The following COL6A2 variants were observed in gnomAD, a reference collection of about 807,000 sequenced individuals.
The protein encoded by COL6A2 is collagen alpha-2(VI) chain.
Under a neutral mutation model 124.9 loss-of-function variants are expected in COL6A2, and 90 were observed. The observed-to-expected ratio is 0.72, with a 90% CI of 0.61 to 0.86. COL6A2 has a LOEUF of 0.86. Ranked by LOEUF, COL6A2 falls within the 40% of genes least tolerant of loss-of-function variation. COL6A2 has a pLI of 0.00. For synonymous variants in COL6A2, 793 were observed against 618.2 expected, an observed-to-expected ratio of 1.28 and a Z score of -4.19; for missense variants, 1,607 against 1,502.5, an observed-to-expected ratio of 1.07 and a Z score of -1.15.
Position 46,111,893 on chromosome 21 carries a change from C to T in COL6A2, c.116-86C>T, listed in dbSNP as rs1263386981. The T allele has an allele frequency of 4.2e-6, 6 of 1,432,352 alleles. No individual in the cohort carries two copies. The African/African-American group carries it at 7.0e-5, about 17-fold the overall frequency. The allele number at this position is 1,432,352 out of a possible 1,614,324, so 88.7% of individuals were successfully genotyped here. Reference sequence around the variant, plus strand: ...GGCATTCGGGGGCAGTGAGGTCAAACCCACAAACAGGCACGGGGCCAGGAA... The same window carrying T: ...GGCATTCGGGGGCAGTGAGGTCAAATCCACAAACAGGCACGGGGCCAGGAA... On this transcript the variant is annotated intron_variant, in intron 2 of 27. Transcript: ENST00000300527.
intron 1 of COL6A2, chr21:46,098,744 C>G (rs1205019694): frequency 6.6e-6 from 1 of 151,816 alleles, no homozygotes; most frequent in Non-Finnish European, 1.5e-5. Context: ...TGCGCCCCTC[C>G]CGGCCTGGAG....
At chr21:46,115,387 GAATTTATTTAATA>G (rs1374848799) in intron 5 of COL6A2, among the ~76,000 whole-genome samples, 1 of 152,166 alleles carries the variant, frequency 6.6e-6, no homozygotes, top group African/African-American at 2.4e-5. Context: ...ATAAATAGAT[GAATTTATTTAATA>G]AAGTTCTGTA....
intron 1 of COL6A2, among the ~76,000 whole-genome samples, chr21:46,110,176 C>T (rs796449770): frequency 2.0e-5 from 3 of 152,268 alleles, no homozygotes; most frequent in African/African-American, 7.2e-5. Context: ...GGCCCCATGG[C>T]AGCGGCCCCC....
In COL6A2 at chr21:46,120,574, C is replaced by T. The variant is rs1601235960; in HGVS notation, c.1392C>T (p.Ala464=). 2 of 1,464,438 alleles carry T rather than the reference C, an allele frequency of 1.4e-6. No homozygotes were observed. The highest frequency in any genetic ancestry group is 1.4e-5 in the South Asian group (1 of 70,346). The allele number at this position is 1,464,438 out of a possible 1,614,324, so 90.7% of individuals were successfully genotyped here. ...GLAGEVGNKG[A]KGDRGLPGPR... ...CTGGAGAGGTTGGCAACAAAGGAGC[C>T]AAGGTAGGGGAGCAGGGTGGGCCGC... Residue 464 remains alanine (A), a synonymous_variant, in exon 16 of 28, where the codon GCC becomes GCT. Coordinates refer to ENST00000300527, the MANE Select transcript of COL6A2 (RefSeq NM_001849.4).
chr21:46,127,698 T>A (rs1049013735), intron 27 of COL6A2, among the ~76,000 whole-genome samples: 1 of 148,682 alleles, frequency 6.7e-6, no homozygotes, highest in African/African-American at 2.5e-5. Flanking sequence ...GACATGGCGA[T>A]GGTCACTGTG....
rs1373700700 is a variant in COL6A2 at position 46,116,957 on chromosome 21, G to T, written c.999+143G>T. On this transcript the variant is annotated intron_variant, in intron 10 of 27. Coordinates refer to ENST00000300527, the MANE Select transcript of COL6A2 (RefSeq NM_001849.4). This position sits in a 1 kb window ranked among gnomAD's most constrained non-coding sequence, Gnocchi z 4.6. ...CACACACACACACACACACACACAC[G>T]AACTTCAGCTCCTGCCACATCCCAC... The T allele has an allele frequency of 6.0e-6, 3 of 499,956 alleles. No individual in the cohort carries two copies. The highest frequency in any genetic ancestry group is 9.9e-6 in the Non-Finnish European group (3 of 301,832). The allele number at this position is 499,956 out of a possible 1,614,324, so 31.0% of individuals were successfully genotyped here.
chr21:46,116,178 C>A lies in COL6A2; in HGVS notation c.900+125C>A. 2 of 1,189,030 alleles carry A rather than the reference C, an allele frequency of 1.7e-6. No homozygotes were observed. Among genetic ancestry groups the A allele is most frequent in the South Asian group, 2.6e-5 (2 of 77,052 alleles). The allele number at this position is 1,189,030 out of a possible 1,614,324, so 73.7% of individuals were successfully genotyped here. On this transcript the variant is annotated intron_variant, in intron 7 of 27. Transcript: ENST00000300527. This position sits in a 1 kb window ranked among gnomAD's most constrained non-coding sequence, Gnocchi z 4.6. ...CCCCCCAGTTACCAAGGAACAGAAG[C>A]ACCTCGATAACTTGATGGCCGTCCC...
intron 1 of COL6A2, among the ~76,000 whole-genome samples, chr21:46,102,160 G>A (rs1601202664): frequency 6.6e-6 from 1 of 151,908 alleles, no homozygotes; most frequent in Non-Finnish European, 1.5e-5. Context: ...TGATACTATA[G>A]TAAATAGAAT....
At chr21:46,098,634 C>G (rs946666779) in intron 1 of COL6A2, among the ~76,000 whole-genome samples, 4 of 150,620 alleles carry the variant, frequency 2.7e-5, no homozygotes, top group African/African-American at 9.7e-5. Flanking sequence ...CTCCCCGGGC[C>G]GGACGGAAGG....
chr21:46,113,162 C>T (rs920248536), intron 4 of COL6A2, among the ~76,000 whole-genome samples: 2 of 152,142 alleles, frequency 1.3e-5, no homozygotes, highest in African/African-American at 4.8e-5. Context: ...GAACTGACAT[C>T]ATCGGGGTCC....
At chr21:46,119,678 C>G in intron 14 of COL6A2, 110 bp from the exon 15 acceptor site, 1 of 1,009,634 alleles carries the variant, frequency 9.9e-7, no homozygotes, top group East Asian at 2.6e-5. Flanking sequence ...GTCCCAAAGC[C>G]AGAGCCCTCC....
At position 46,118,136 on chromosome 21, in the gene COL6A2, G is replaced by A. The variant is rs7279535; in HGVS notation, c.1116+200G>A. On this transcript the variant is annotated intron_variant, in intron 12 of 27. Coordinates refer to ENST00000300527, the MANE Select transcript of COL6A2 (RefSeq NM_001849.4). Reference sequence around the variant, plus strand: ...TTCTAACCAGGGCTTGGGCGGCCCCGCCGCTGCTCACCGAGGCCTCGGCAA... The same window carrying A: ...TTCTAACCAGGGCTTGGGCGGCCCCACCGCTGCTCACCGAGGCCTCGGCAA... 0.73 allele frequency among the ~76,000 whole-genome samples: 110,414 copies of A among 151,884 alleles called. 40,298 individuals carry two copies. The highest frequency in any genetic ancestry group is 0.82 in the East Asian group (4,193 of 5,116).
rs1568932502 is a variant in COL6A2, at chr21:46,119,772, CG to C, written c.1270-15del. 1.3e-6 allele frequency: 2 copies of C among 1,556,478 alleles called. No homozygotes were observed. On this transcript the variant is annotated splice_polypyrimidine_tract_variant and intron_variant, in intron 14 of 27. Transcript: ENST00000300527. ...GACTCAGCCCCCTCCCTCACCCACA[CG>C]CCTGTTCTCTGCAGGGGCGCAGGGG... is the stretch of plus-strand genomic sequence containing the variant.
At chr21:46,126,642 CG>C (rs1035548800) in intron 27 of COL6A2, 101 bp downstream of exon 27, 48 of 1,208,750 alleles carry the variant, frequency 4.0e-5, no homozygotes, top group Non-Finnish European at 5.4e-5. Flanking sequence ...TGCAGGGACC[CG>C]GGGGGCGGCG....
chr21:46,123,489 C>T (rs1003610416), intron 21 of COL6A2, among the ~76,000 whole-genome samples: 1 of 152,056 alleles, frequency 6.6e-6, no homozygotes, highest in Non-Finnish European at 1.5e-5. Context: ...GAGCACAAAA[C>T]AAGGGATGGA....
intron 27 of COL6A2, among the ~76,000 whole-genome samples, chr21:46,127,294 C>A (rs73908540): frequency 0.063 from 9,600 of 152,172 alleles, 933 homozygotes; most frequent in African/African-American, 0.21. Flanking sequence ...GTCTGCGGTA[C>A]GAAGTCAGCG....
intron 20 of COL6A2, 83 bp from the exon 21 acceptor site, chr21:46,122,792 G>A (rs1259502685): frequency 1.3e-5 from 18 of 1,416,800 alleles, no homozygotes; most frequent in East Asian, 9.1e-5. Context: ...ATGCCAGATC[G>A]ATTTTTCCAC....
intron 23 of COL6A2, 108 bp from the exon 24 acceptor site, chr21:46,125,146 CCCCGCATGGCTG>C: frequency 9.1e-7 from 1 of 1,098,690 alleles, no homozygotes; most frequent in Non-Finnish European, 1.4e-6. Context: ...CCGCCAGCCT[CCCCGCATGGCTG>C]CCTCCACACG....
chr21:46,131,177 C>G (rs113760186), intron 27 of COL6A2, among the ~76,000 whole-genome samples: 1 of 152,192 alleles, frequency 6.6e-6, no homozygotes, highest in Non-Finnish European at 1.5e-5. Context: ...CTTGGTGAGG[C>G]CACAGGGCCA....
Sources: gnomAD v4.1 joint callset for allele counts (sites outside exome capture counted in the v4.1 genomes callset) on GRCh38, gnomAD v4.1.1 for gene constraint, Gnocchi (gnomAD v3.1) non-coding constraint, MANE v1.5 for transcripts, NCBI Gene and HGNC (gene_info 2026-07-23, HGNC 2026-07-21) for gene names.